The following CCDC7 variants were observed in gnomAD, a reference collection of about 807,000 sequenced individuals.
CCDC7 encodes coiled-coil domain-containing protein 7.
Under a neutral mutation model 196.9 loss-of-function variants are expected in CCDC7, and 183 were observed. That is an observed-to-expected ratio of 0.93 (90% CI 0.82 to 1.05). CCDC7 has a LOEUF of 1.05. CCDC7 is among the 50% of genes least tolerant of loss of function. The pLI, the probability that CCDC7 is intolerant of heterozygous loss-of-function variation, is 0.00. For missense variants in CCDC7, 1,540 were observed against 1,482.2 expected (o/e 1.04, Z -0.64); for synonymous variants, 525 against 484.6 (o/e 1.08, Z -1.10).
intron 21 of CCDC7, among the ~76,000 whole-genome samples, chr10:32,673,454 G>A (rs1333218812): frequency 1.3e-5 from 2 of 151,894 alleles, no homozygotes; most frequent in South Asian, 4.1e-4. Context: ...ATATATTATC[G>A]TTTTCAGTGT....
chr10:32,460,065 T>C (rs2035304877), intron 3 of CCDC7, among the ~76,000 whole-genome samples: 1 of 152,118 alleles, frequency 6.6e-6, no homozygotes, highest in Non-Finnish European at 1.5e-5. Context: ...GTATATGACC[T>C]GGAGCAAGAA....
intron 25 of CCDC7, 69 bp downstream of exon 26, chr10:32,711,799 T>A: frequency 1.3e-6 from 1 of 796,834 alleles, no homozygotes; most frequent in Non-Finnish European, 1.9e-6. Context: ...TTTCTTTGGT[T>A]CATACTTACG....
chr10:32,600,478 C>G (rs1006792040), intron 18 of CCDC7, among the ~76,000 whole-genome samples: 6 of 152,182 alleles, frequency 3.9e-5, no homozygotes, highest in Admixed American at 1.3e-4. Flanking sequence ...TTAGGCTTTT[C>G]TAGGTATATG....
chr10:32,710,024 C>G (rs956416393), intron 24 of CCDC7, among the ~76,000 whole-genome samples: 1 of 152,064 alleles, frequency 6.6e-6, no homozygotes, highest in South Asian at 2.1e-4. Flanking sequence ...TTGTCAGAAC[C>G]CAAATAGAAC....
At position 32,501,848 on chromosome 10, in the gene CCDC7, C is replaced by T. The variant is rs144141638; in HGVS notation, c.872+9851C>T. On this transcript the variant is annotated intron_variant, in intron 9 of 41. Coordinates refer to ENST00000639629, the Ensembl canonical transcript of CCDC7. Reference sequence around the variant, plus strand: ...GACCCACTTGAGAAGGCAGTCTGTCCGTTGTCAGAGCTTGAACACTTTGCT... The same window carrying T: ...GACCCACTTGAGAAGGCAGTCTGTCTGTTGTCAGAGCTTGAACACTTTGCT... Among the ~76,000 whole-genome samples, 907 of 152,292 alleles carry T rather than the reference C, an allele frequency of 6.0e-3. 9 individuals are homozygous for T. Among genetic ancestry groups the T allele is most frequent in the African/African-American group, 0.021 (863 of 41,568 alleles).
At chr10:32,494,054 T>A (rs2042536666) in intron 9 of CCDC7, among the ~76,000 whole-genome samples, 1 of 152,180 alleles carries the variant, frequency 6.6e-6, no homozygotes, top group Non-Finnish European at 1.5e-5. Context: ...GCAGTCCCAT[T>A]TGTCTATTTT....
intron 18 of CCDC7, among the ~76,000 whole-genome samples, chr10:32,597,418 C>T (rs377500316): frequency 2.6e-5 from 4 of 152,200 alleles, no homozygotes; most frequent in East Asian, 1.9e-4. Flanking sequence ...GTTAGCCATT[C>T]GTCTACTCTT....
chr10:32,864,499 T>C (rs79749041), intron 41 of CCDC7, among the ~76,000 whole-genome samples: 10,880 of 151,412 alleles, frequency 0.072, 592 homozygotes, highest in South Asian at 0.25. Flanking sequence ...TATATATATA[T>C]ACACACACAT....
chr10:32,770,904 C>G (rs1051645795), intron 28 of CCDC7, among the ~76,000 whole-genome samples: 1 of 152,116 alleles, frequency 6.6e-6, no homozygotes, highest in Non-Finnish European at 1.5e-5. Flanking sequence ...AGAATAGCTA[C>G]TCTTGCTCAC....
chr10:32,673,653 A>ATGTGTGTGTGTG lies in CCDC7; in HGVS notation c.2122+9492_2122+9493insTGTGTGTGTGTG, dbSNP rs772678414. ...AATTTATTAGTTCTAACCATTGTGC[A>ATGTGTGTGTGTG]CGTGTGTGTGTGTGTGTGTGTGTGT... On this transcript the variant is annotated intron_variant, in intron 21 of 41. Coordinates refer to ENST00000639629, the Ensembl canonical transcript of CCDC7. Among the ~76,000 whole-genome samples the ATGTGTGTGTGTG allele has an allele frequency of 5.8e-5, 7 of 120,636 alleles. 1 individual carries two copies. The highest frequency in any genetic ancestry group is 9.7e-5 in the Non-Finnish European group (6 of 62,054). The allele number at this position is 120,636 out of a possible 152,430, so 79.1% of individuals were successfully genotyped here.
Position 32,463,877 on chromosome 10 carries a change from A to G in CCDC7, c.510+828A>G, listed in dbSNP as rs543992746. On this transcript the variant is annotated intron_variant, in intron 5 of 41. Coordinates refer to ENST00000639629, the Ensembl canonical transcript of CCDC7. ...AGGATACATTTGACTGACATTGGAA[A>G]AGTGTTAGTCATTCTTTGATTATGG... 1.8e-4 allele frequency among the ~76,000 whole-genome samples: 28 copies of G among 152,282 alleles called. No homozygotes were observed. In the South Asian group the frequency reaches 5.6e-3, roughly 30 times the overall value.
Position 32,646,541 on chromosome 10 carries a change from G to T in CCDC7, c.2014+11383G>T, listed in dbSNP as rs1006643099. Among the ~76,000 whole-genome samples, 4 of 152,202 alleles carry T rather than the reference G, an allele frequency of 2.6e-5. 1 individual carries two copies. In the Middle Eastern group the frequency reaches 0.014, roughly 518 times the overall value. On this transcript the variant is annotated intron_variant, in intron 20 of 41. Coordinates refer to ENST00000639629, the Ensembl canonical transcript of CCDC7. ...TATAAATGTCTGTTAGGTTCATTTT[G>T]TCTAGAATGCAGTTTAAATTAAGTG...
chr10:32,814,538 A>G (rs1441243949), intron 31 of CCDC7, 85 bp downstream of exon 32: 1 of 925,418 alleles, frequency 1.1e-6, no homozygotes, highest in Non-Finnish European at 1.7e-6. Context: ...TTTAAGGAGA[A>G]CAGTGCCTAT....
downstream of CCDC7, among the ~76,000 whole-genome samples, chr10:32,879,056 AT>A (rs56912773): frequency 1.5e-4 from 22 of 151,092 alleles, no homozygotes; most frequent in African/African-American, 4.6e-4. Flanking sequence ...ACTATCTCTA[AT>A]TTTTTTTTTA....
intron 21 of CCDC7, among the ~76,000 whole-genome samples, chr10:32,677,657 T>A (rs1334512149): frequency 1.3e-5 from 2 of 152,136 alleles, no homozygotes; most frequent in African/African-American, 2.4e-5. Context: ...TTTCTTTGAG[T>A]TTTGACAATT....
At chr10:32,764,259 G>A (rs1412395061) in intron 28 of CCDC7, among the ~76,000 whole-genome samples, 4 of 147,814 alleles carry the variant, frequency 2.7e-5, no homozygotes, top group African/African-American at 7.6e-5. Context: ...AGTCCCACCA[G>A]CCCCCTAAAG....
intron 8 of CCDC7, among the ~76,000 whole-genome samples, chr10:32,476,168 G>A (rs2038931710): frequency 6.6e-6 from 1 of 152,120 alleles, no homozygotes; most frequent in African/African-American, 2.4e-5. Flanking sequence ...CAGTGTCACA[G>A]AATAGTTTAA....
Position 32,680,571 on chromosome 10 carries a change from C to T in CCDC7, c.2123-5399C>T, listed in dbSNP as rs371419129. On this transcript the variant is annotated intron_variant, in intron 21 of 41. Coordinates refer to ENST00000639629, the Ensembl canonical transcript of CCDC7. ...CATTAGCTATTTCTCCTAATGCTGT[C>T]CCTCCCCCGACAGGCCCCACTATAT... Among the ~76,000 whole-genome samples the T allele has an allele frequency of 5.3e-5, 8 of 152,150 alleles. No homozygotes were observed. In the East Asian group the frequency reaches 1.2e-3, roughly 22 times the overall value.
At chr10:32,826,611 A>C (rs1331063828) in intron 32 of CCDC7, among the ~76,000 whole-genome samples, 1 of 152,138 alleles carries the variant, frequency 6.6e-6, no homozygotes, top group African/African-American at 2.4e-5. Context: ...CACTCCTGCC[A>C]CCCTGCCTTC....
Sources: allele counts gnomAD v4.1 joint callset (sites outside exome capture counted in the v4.1 genomes callset), GRCh38; gene constraint gnomAD v4.1.1; transcripts MANE v1.5; gene names NCBI Gene and HGNC (gene_info 2026-07-23, HGNC 2026-07-21).